TIAM1: variants seen among roughly 807,000 people sequenced by gnomAD.
TIAM1 encodes the protein TIAM Rac1 associated GEF 1.
Under a neutral mutation model 163.5 loss-of-function variants are expected in TIAM1, and 65 were observed. The observed-to-expected ratio is 0.40, with a 90% CI of 0.33 to 0.49. TIAM1 has a LOEUF of 0.49. Ranked by LOEUF, TIAM1 falls within the 20% of genes least tolerant of loss-of-function variation. The probability of loss-of-function intolerance (pLI) is 0.77; values close to 1 mark genes in which losing one functional copy is unlikely to be tolerated. For missense variants in TIAM1, 1,789 were observed against 2,044.7 expected (o/e 0.87, Z 2.41); for synonymous variants, 833 against 810.1 (o/e 1.03, Z -0.48).
At chr21:31,280,038 A>G (rs79545669) in intron 2 of TIAM1, among the ~76,000 whole-genome samples, 1 of 152,124 alleles carries the variant, frequency 6.6e-6, no homozygotes, top group African/African-American at 2.4e-5. Context: ...GCGCGCACAC[A>G]CACACACACA....
At chr21:31,315,817 TA>T (rs1203758559) in intron 2 of TIAM1, among the ~76,000 whole-genome samples, 7 of 146,890 alleles carry the variant, frequency 4.8e-5, no homozygotes, top group Non-Finnish European at 1.0e-4. Context: ...CCGTCTCTAC[TA>T]AAAATACAAA....
At chr21:31,552,539 C>T (rs1173412653) in intron 1 of TIAM1, among the ~76,000 whole-genome samples, 7 of 152,114 alleles carry the variant, frequency 4.6e-5, no homozygotes, top group East Asian at 1.9e-4. Flanking sequence ...TTTGGGAGGC[C>T]GGGGCAGGCA....
At chr21:31,210,246 C>CA (rs2086653350) in intron 10 of TIAM1, 31 bp from the exon 11 acceptor site, 1 of 1,607,954 alleles carries the variant, frequency 6.2e-7, no homozygotes, top group South Asian at 1.1e-5. Flanking sequence ...AGCAGGGCAG[C>CA]AGCAGTGGAG....
At chr21:31,280,947 C>T (rs969563794) in intron 2 of TIAM1, among the ~76,000 whole-genome samples, 2 of 151,358 alleles carry the variant, frequency 1.3e-5, no homozygotes, top group African/African-American at 4.9e-5. Context: ...AGACACCCAC[C>T]TCTACAAAAA....
chr21:31,214,562 T>A (rs1259747347), intron 9 of TIAM1, among the ~76,000 whole-genome samples: 1 of 152,086 alleles, frequency 6.6e-6, no homozygotes, highest in Non-Finnish European at 1.5e-5. Context: ...TAGGGGTTTT[T>A]TTAATTAAAA....
chr21:31,229,442 C>T (rs1046703809), intron 6 of TIAM1, among the ~76,000 whole-genome samples: 3 of 151,986 alleles, frequency 2.0e-5, no homozygotes, highest in East Asian at 1.9e-4. Context: ...CCTCATATTC[C>T]GGTTTTCATT....
At chr21:31,396,212 A>G (rs972455453) in intron 2 of TIAM1, among the ~76,000 whole-genome samples, 6 of 152,226 alleles carry the variant, frequency 3.9e-5, no homozygotes, top group Admixed American at 1.3e-4. Flanking sequence ...GCCGATTCCT[A>G]CTGCCCAAAA....
intron 2 of TIAM1, chr21:31,463,915 C>T (rs533699739): frequency 2.0e-5 from 3 of 151,886 alleles, no homozygotes; most frequent in Non-Finnish European, 4.4e-5. Flanking sequence ...TATTCACATA[C>T]CCTTGATGCC....
chr21:31,118,595 C>T lies in TIAM1; in HGVS notation c.*1773G>A, dbSNP rs573619165. On this transcript the variant is annotated 3_prime_UTR_variant, in exon 28 of 28. Coordinates refer to ENST00000541036, the MANE Select transcript of TIAM1 (RefSeq NM_001353694.2). ...GCACCCTCTCCAAGCACCAGACTTC[C>T]GAGTGTTTTCAGATGGATGTGTTGC... 6.1e-5 allele frequency: 29 copies of T among 471,598 alleles called. No individual in the cohort carries two copies. Among genetic ancestry groups the T allele is most frequent in the African/African-American group, 2.6e-4 (13 of 50,140 alleles). 29.2% of individuals were successfully genotyped at this position (471,598 alleles called of 1,614,324 possible). A position where few individuals can be genotyped will look rare whatever the true frequency, so the allele number is the denominator to read the frequency against.
chr21:31,402,795 C>T (rs1018355782), intron 2 of TIAM1, among the ~76,000 whole-genome samples: 3 of 151,334 alleles, frequency 2.0e-5, no homozygotes, highest in African/African-American at 7.3e-5. Context: ...TAAAAACACA[C>T]AAAAAAATTA....
intron 12 of TIAM1, among the ~76,000 whole-genome samples, chr21:31,198,440 G>A (rs1017176926): frequency 2.6e-5 from 4 of 152,162 alleles, no homozygotes; most frequent in Admixed American, 6.5e-5. Context: ...TGTGGTTTCA[G>A]TGTTATACTT....
In TIAM1 at chr21:31,266,451, G is replaced by A. The variant is rs931966251; in HGVS notation, c.522C>T (p.Asp174=). The change falls in exon 4 of 28, where the codon GAC becomes GAT. Residue 174 remains aspartate (D), a synonymous_variant. Transcript: ENST00000541036. ...ATTCCAGGCTGTCCTCCCGCCAGAT[G>A]TCTGCAGATTTGGAGCGTTTCTTCT... ...SFKKKRSKSA[D]IWREDSLEFS... The A allele has an allele frequency of 1.2e-6, 2 of 1,614,102 alleles. No individual in the cohort carries two copies. The highest frequency in any genetic ancestry group is 1.3e-5 in the African/African-American group (1 of 74,934).
chr21:31,415,683 T>G (rs1439525123), intron 2 of TIAM1, among the ~76,000 whole-genome samples: 9 of 152,188 alleles, frequency 5.9e-5, no homozygotes, highest in Non-Finnish European at 1.3e-4. Context: ...CATTCTCAGC[T>G]TCTACACCCT....
At chr21:31,401,187 T>C (rs1367571171) in intron 2 of TIAM1, among the ~76,000 whole-genome samples, 1 of 152,216 alleles carries the variant, frequency 6.6e-6, no homozygotes, top group Non-Finnish European at 1.5e-5. Flanking sequence ...TGAATTCATA[T>C]GCACTAAGTT....
intron 1 of TIAM1, among the ~76,000 whole-genome samples, chr21:31,517,340 C>T (rs1162744912): frequency 1.3e-5 from 2 of 152,108 alleles, no homozygotes; most frequent in African/African-American, 4.8e-5. Flanking sequence ...TCAAGACAGC[C>T]TGAGCAACAT....
At chr21:31,493,249 A>G (rs905069681) in intron 1 of TIAM1, among the ~76,000 whole-genome samples, 1 of 152,226 alleles carries the variant, frequency 6.6e-6, no homozygotes, top group African/African-American at 2.4e-5. Flanking sequence ...AGGAAGATGA[A>G]TTTTACCTTC....
chr21:31,134,069 C>G (rs541096861), intron 23 of TIAM1, among the ~76,000 whole-genome samples: 6 of 152,018 alleles, frequency 3.9e-5, no homozygotes, highest in Non-Finnish European at 8.8e-5. Flanking sequence ...TCCATCCCCC[C>G]AGAAAAACCA....
At chr21:31,535,420 G>C (rs1398852634) in intron 1 of TIAM1, among the ~76,000 whole-genome samples, 1 of 126,920 alleles carries the variant, frequency 7.9e-6, no homozygotes. Flanking sequence ...AGTTTATCCA[G>C]AAAGTTCTTG....
At position 31,464,526 on chromosome 21, in the gene TIAM1, G is replaced by A. The variant is rs144700741; in HGVS notation, c.-421-491C>T. Reference sequence around the variant, plus strand: ...AGTTCAAGACCAGTCTCGGCAACACGGCAAAACGCTGTCTCTACAAAAAAT... The same window carrying A: ...AGTTCAAGACCAGTCTCGGCAACACAGCAAAACGCTGTCTCTACAAAAAAT... On this transcript the variant is annotated intron_variant, in intron 1 of 28. Transcript: ENST00000286827. Among the ~76,000 whole-genome samples, 639 of 152,076 alleles carry A rather than the reference G, an allele frequency of 4.2e-3. 4 individuals are homozygous for A. Among genetic ancestry groups the A allele is most frequent in the African/African-American group, 0.012 (512 of 41,486 alleles).
Sources: gnomAD v4.1 joint callset for allele counts (sites outside exome capture counted in the v4.1 genomes callset) on GRCh38, gnomAD v4.1.1 for gene constraint, MANE v1.5 for transcripts, NCBI Gene and HGNC (gene_info 2026-07-23, HGNC 2026-07-21) for gene names.